The following DLGAP1 variants were observed in gnomAD, a reference collection of about 807,000 sequenced individuals.
DLGAP1 encodes disks large-associated protein 1.
A neutral mutation model predicts 90.8 loss-of-function variants in DLGAP1; 11 were observed. That is an observed-to-expected ratio of 0.12 (90% CI 0.08 to 0.20). DLGAP1 has a LOEUF of 0.20. DLGAP1 is among the 10% of genes least tolerant of loss of function. The pLI is 1.00. For missense variants in DLGAP1, 1,050 were observed against 1,333.8 expected (o/e 0.79, Z 3.31); for synonymous variants, 558 against 540.7 (o/e 1.03, Z -0.44).
At chr18:3,654,942 T>TCC (rs2059429567) in intron 7 of DLGAP1, 1 of 152,198 alleles carries the variant, frequency 6.6e-6, no homozygotes, top group Non-Finnish European at 1.5e-5. Context: ...TTTTGTAAAA[T>TCC]GTAATGGTAC....
intron 7 of DLGAP1, among the ~76,000 whole-genome samples, chr18:3,661,819 C>G (rs28697094): frequency 6.6e-6 from 1 of 151,824 alleles, no homozygotes; most frequent in Non-Finnish European, 1.5e-5. Context: ...TGAGCTCAGG[C>G]AATCCGCTCA....
chr18:4,116,446 C>T (rs1032167692), intron 2 of DLGAP1, among the ~76,000 whole-genome samples: 1 of 151,932 alleles, frequency 6.6e-6, no homozygotes, highest in Non-Finnish European at 1.5e-5. Flanking sequence ...CTGCTCCTTT[C>T]TCTTTCTCTT....
At chr18:3,502,099 T>C in intron 12 of DLGAP1, 1 of 994,214 alleles carries the variant, frequency 1.0e-6, no homozygotes, top group Non-Finnish European at 1.2e-6. Context: ...ATCCTATTTT[T>C]CTTGAAAACA....
At chr18:3,573,078 C>G (rs1383058823) in intron 8 of DLGAP1, among the ~76,000 whole-genome samples, 1 of 152,094 alleles carries the variant, frequency 6.6e-6, no homozygotes, top group East Asian at 1.9e-4. Context: ...AATATATATA[C>G]ACTTTGATTA....
At chr18:3,962,051 A>G (rs1157767611) in intron 3 of DLGAP1, among the ~76,000 whole-genome samples, 2 of 152,206 alleles carry the variant, frequency 1.3e-5, no homozygotes, top group African/African-American at 4.8e-5. Context: ...ACAAGACAGT[A>G]GAAGATATTA....
At chr18:3,820,522 C>T (rs2067351809) in intron 4 of DLGAP1, among the ~76,000 whole-genome samples, 1 of 152,214 alleles carries the variant, frequency 6.6e-6, no homozygotes, top group Non-Finnish European at 1.5e-5. Context: ...AGTTACCCCT[C>T]AGCAGCTGTT....
At chr18:3,905,385 A>G (rs1399144805) in intron 3 of DLGAP1, among the ~76,000 whole-genome samples, 2 of 149,754 alleles carry the variant, frequency 1.3e-5, no homozygotes, top group East Asian at 1.9e-4. Flanking sequence ...AAAAAAAAAA[A>G]AAAAAAAGAA....
chr18:4,294,994 T>C (rs2079941573), intron 1 of DLGAP1: 1 of 152,534 alleles, frequency 6.6e-6, no homozygotes, highest in Non-Finnish European at 1.5e-5. Flanking sequence ...AATCTCCTTG[T>C]TTCCTGTCTC....
chr18:3,974,704 C>T (rs951996263), intron 3 of DLGAP1, among the ~76,000 whole-genome samples: 7 of 151,836 alleles, frequency 4.6e-5, no homozygotes, highest in Non-Finnish European at 8.8e-5. Context: ...TGTCAAAAGA[C>T]CTAACATAAA....
In DLGAP1 at chr18:3,567,366, C is replaced by A; in HGVS notation, c.2057+124G>T. On this transcript the variant is annotated intron_variant, in intron 9 of 12. Transcript: ENST00000315677. ...CAACTAATATTGATTCAACTTCACCCTTTAAATACTCCCAAAACTTAGAGG... is the reference window on the plus strand; with the variant it reads ...CAACTAATATTGATTCAACTTCACCATTTAAATACTCCCAAAACTTAGAGG... The A allele has an allele frequency of 6.4e-6, 5 of 778,198 alleles. 1 individual carries two copies. In the South Asian group the frequency reaches 6.9e-5, roughly 11 times the overall value. 48.2% of individuals were successfully genotyped at this position (778,198 alleles called of 1,614,324 possible).
chr18:3,890,554 T>C (rs12373466), intron 3 of DLGAP1, among the ~76,000 whole-genome samples: 72,809 of 152,070 alleles, frequency 0.48, 20,762 homozygotes, highest in Non-Finnish European at 0.63. Context: ...TCTGACCCTT[T>C]TAACTTTTTT....
chr18:4,103,772 AAGT>A (rs1490955400), intron 2 of DLGAP1, among the ~76,000 whole-genome samples: 2 of 152,126 alleles, frequency 1.3e-5, no homozygotes, highest in African/African-American at 4.8e-5. Context: ...TTTGAAAATC[AAGT>A]AGGTTTTGTA....
intron 3 of DLGAP1, among the ~76,000 whole-genome samples, chr18:3,955,549 T>C (rs1165993152): frequency 6.6e-6 from 1 of 151,880 alleles, no homozygotes. Context: ...CCGCCTCTAC[T>C]AAAAATACAA....
chr18:3,878,518 G>A (rs2071060288), intron 4 of DLGAP1, among the ~76,000 whole-genome samples: 1 of 152,158 alleles, frequency 6.6e-6, no homozygotes, highest in Non-Finnish European at 1.5e-5. Context: ...GTGCTTGTCA[G>A]GTCCCCAAAC....
At chr18:3,793,410 C>T (rs2065836928) in intron 5 of DLGAP1, among the ~76,000 whole-genome samples, 1 of 152,198 alleles carries the variant, frequency 6.6e-6, no homozygotes, top group Non-Finnish European at 1.5e-5. Flanking sequence ...CAGATTTATT[C>T]CTTTGAAGTG....
intron 10 of DLGAP1, among the ~76,000 whole-genome samples, chr18:3,520,875 C>T (rs1385767867): frequency 6.6e-6 from 1 of 152,222 alleles, no homozygotes; most frequent in African/African-American, 2.4e-5. Flanking sequence ...GCTGCCTCCA[C>T]CCTCTTCACC....
chr18:4,096,958 G>A (rs1183371241), intron 2 of DLGAP1, among the ~76,000 whole-genome samples: 1 of 152,216 alleles, frequency 6.6e-6, no homozygotes, highest in Non-Finnish European at 1.5e-5. Context: ...CTGGCACAAA[G>A]TAAACATTGT....
intron 5 of DLGAP1, among the ~76,000 whole-genome samples, chr18:3,757,126 G>A (rs1289894062): frequency 1.3e-5 from 2 of 151,936 alleles, no homozygotes; most frequent in Non-Finnish European, 2.9e-5. Context: ...ATACTGCAAG[G>A]AGGCCAGATG....
Position 3,911,801 on chromosome 18 carries a change from A to G in DLGAP1, c.-72-31661T>C, listed in dbSNP as rs546869371. Among the ~76,000 whole-genome samples the G allele has an allele frequency of 5.9e-5, 9 of 152,348 alleles. No individual in the cohort carries two copies. The East Asian group carries it at 1.2e-3, about 20-fold the overall frequency. Reference sequence around the variant, plus strand: ...TCTTATTGCAGCTGGGCTGCCAAAGATGTGAATTGATACATCTACTTAGCT... The same window carrying G: ...TCTTATTGCAGCTGGGCTGCCAAAGGTGTGAATTGATACATCTACTTAGCT... On this transcript the variant is annotated intron_variant, in intron 3 of 12. Coordinates refer to ENST00000315677, the MANE Select transcript of DLGAP1 (RefSeq NM_004746.4).
Sources: allele counts gnomAD v4.1 joint callset (sites outside exome capture counted in the v4.1 genomes callset), GRCh38; gene constraint gnomAD v4.1.1; transcripts MANE v1.5; gene names NCBI Gene and HGNC (gene_info 2026-07-23, HGNC 2026-07-21).